PRLH: variants seen among roughly 807,000 people sequenced by gnomAD.
The protein encoded by PRLH is prolactin-releasing peptide.
In PRLH, 6 loss-of-function variants were observed where a neutral mutation model predicts 3.2. The observed-to-expected ratio is 1.86, with a 90% CI of 1.02 to 3.66. PRLH has a LOEUF of 3.66. PRLH is among the 30% of genes most tolerant of loss of function. PRLH has a pLI of 0.00. For missense variants in PRLH, 145 were observed against 122.6 expected (o/e 1.18, Z -0.86); for synonymous variants, 65 against 51.1 (o/e 1.27, Z -1.16).
In PRLH at chr2:237,567,036, AC is replaced by A; in HGVS notation, c.126del (p.Tyr42Ter). The A allele has an allele frequency of 6.2e-7, 1 of 1,614,020 alleles. No homozygotes were observed. The highest frequency in any genetic ancestry group is 8.5e-7 in the Non-Finnish European group (1 of 1,179,974). On this transcript the variant is annotated frameshift_variant, in exon 2 of 2. Coordinates refer to ENST00000165524, the MANE Select transcript of PRLH (RefSeq NM_015893.1). LOFTEE classifies it low-confidence loss of function (END_TRUNC). Reference protein sequence around the residue: ...IRTPDINPAWYASRGIRPVGR... With the variant: ...IRTPDINPAWXASRGIRPVGR... ...GCCCCTGACATCAATCCTGCCTGGT[AC>A]GCCAGTCGCGGGATCAGGCCTGTGG... is the stretch of plus-strand genomic sequence containing the variant.
At position 237,567,105 on chromosome 2, in the gene PRLH, A is replaced by G. The variant is rs1462993959; in HGVS notation, c.194A>G (p.Lys65Arg). Residue 65 changes from lysine to arginine, a missense_variant, in exon 2 of 2, where the codon AAG (lysine) becomes AGG (arginine). Lys to Arg is a conservative substitution (Grantham distance 26, BLOSUM62 2). Transcript: ENST00000165524. ...RRRATLGDVPKPGLRPRLTCF... is the reference protein window; with the variant it reads ...RRRATLGDVPRPGLRPRLTCF... ...AGGGCAACCCTGGGGGACGTCCCCA[A>G]GCCTGGCCTGCGACCCCGGCTGACC... 3 of 1,614,088 alleles carry G rather than the reference A, an allele frequency of 1.9e-6. No individual in the cohort carries two copies. Among genetic ancestry groups the G allele is most frequent in the East Asian group, 4.5e-5 (2 of 44,870 alleles).
In PRLH at chr2:237,567,159, C is replaced by T. The variant is rs1210528455; in HGVS notation, c.248C>T (p.Ser83Leu). ...TTCCCCCTGGAAGGCGGTGCTATGT[C>T]GTCCCAGGATGGCTGACAGCCAGCT... ...TCFPLEGGAM[S>L]SQDG Residue 83 changes from serine (S) to leucine (L), a missense_variant, in exon 2 of 2, where the codon TCG becomes TTG. Ser to Leu is a moderately radical substitution (Grantham distance 145). Transcript: ENST00000165524. 2.5e-6 allele frequency: 4 copies of T among 1,610,602 alleles called. No homozygotes were observed. The highest frequency in any genetic ancestry group is 2.2e-5 in the South Asian group (2 of 90,894).
chr2:237,567,080 A>T lies in PRLH; in HGVS notation c.169A>T (p.Arg57Trp). Residue 57 changes from arginine (R) to tryptophan (W), a missense_variant, in exon 2 of 2, where the codon AGG becomes TGG. Arg to Trp is a moderately radical substitution (Grantham distance 101, BLOSUM62 -3). Coordinates refer to ENST00000165524, the MANE Select transcript of PRLH (RefSeq NM_015893.1). ...IRPVGRFGRR[R>W]ATLGDVPKPG... ...GCCTGTGGGCCGCTTCGGTCGGAGGAGGGCAACCCTGGGGGACGTCCCCAA... is the reference window on the plus strand; with the variant it reads ...GCCTGTGGGCCGCTTCGGTCGGAGGTGGGCAACCCTGGGGGACGTCCCCAA... The T allele has an allele frequency of 1.2e-6, 2 of 1,614,016 alleles. No homozygotes were observed. Among genetic ancestry groups the T allele is most frequent in the East Asian group, 2.2e-5 (1 of 44,872 alleles).
In PRLH at chr2:237,567,102, C is replaced by T. The variant is rs1264318030; in HGVS notation, c.191C>T (p.Pro64Leu). 1 of 1,614,100 alleles carries T rather than the reference C, an allele frequency of 6.2e-7. No individual in the cohort carries two copies. The highest frequency in any genetic ancestry group is 8.5e-7 in the Non-Finnish European group (1 of 1,180,002). ...GRRRATLGDV[P>L]KPGLRPRLTC... ...AGGAGGGCAACCCTGGGGGACGTCC[C>T]CAAGCCTGGCCTGCGACCCCGGCTG... The change falls in exon 2 of 2, where the codon CCC (proline) becomes CTC (leucine). Residue 64 changes from proline (P) to leucine (L), a missense_variant. Transcript: ENST00000165524.
Position 237,566,631 on chromosome 2 carries a change from G to A in PRLH, c.58G>A (p.Gly20Arg), listed in dbSNP as rs1339262943. The A allele has an allele frequency of 6.3e-7, 1 of 1,576,258 alleles. No individual in the cohort carries two copies. Reference sequence around the variant, plus strand: ...GCTGATGCTGGGCCTGGCCCTGCGGGGAGCTGCAAGTCGTACCCATCGGCA... The same window carrying A: ...GCTGATGCTGGGCCTGGCCCTGCGGAGAGCTGCAAGTCGTACCCATCGGCA... ...CLLMLGLALR[G>R]AASRTHRHSM... The change falls in exon 1 of 2, where the codon GGA (glycine) becomes AGA (arginine). Residue 20 changes from glycine (G) to arginine (R), a missense_variant. Gly to Arg is a moderately radical substitution (Grantham distance 125, BLOSUM62 -2). Transcript: ENST00000165524.
rs770338709 is a variant in PRLH at position 237,566,628 on chromosome 2, C to A, written c.55C>A (p.Arg19=). 1.3e-6 allele frequency: 2 copies of A among 1,577,080 alleles called. No individual in the cohort carries two copies. The highest frequency in any genetic ancestry group is 1.7e-6 in the Non-Finnish European group (2 of 1,162,604). The part of the protein sequence containing the change: ...LCLLMLGLAL[R]GAASRTHRHS... Reference sequence around the variant, plus strand: ...CCTGCTGATGCTGGGCCTGGCCCTGCGGGGAGCTGCAAGTCGTACCCATCG... The same window carrying A: ...CCTGCTGATGCTGGGCCTGGCCCTGAGGGGAGCTGCAAGTCGTACCCATCG... Residue 19 remains arginine, a synonymous_variant, in exon 1 of 2, where the codon CGG becomes AGG. Coordinates refer to ENST00000165524, the MANE Select transcript of PRLH (RefSeq NM_015893.1).
In PRLH at chr2:237,567,031, C is replaced by G; in HGVS notation, c.120C>G (p.Ala40=). ...MEIRTPDINP[A]WYASRGIRPV... ...TTCCAGCCCCTGACATCAATCCTGCCTGGTACGCCAGTCGCGGGATCAGGC... is the reference window on the plus strand; with the variant it reads ...TTCCAGCCCCTGACATCAATCCTGCGTGGTACGCCAGTCGCGGGATCAGGC... Residue 40 remains alanine, a synonymous_variant, in exon 2 of 2, where the codon GCC becomes GCG. Coordinates refer to ENST00000165524, the MANE Select transcript of PRLH (RefSeq NM_015893.1). 6.2e-7 allele frequency: 1 copy of G among 1,614,114 alleles called. No homozygotes were observed. The highest frequency in any genetic ancestry group is 8.5e-7 in the Non-Finnish European group (1 of 1,179,992).
rs758740474 is a variant in PRLH, at chr2:237,567,098, G to A, written c.187G>A (p.Val63Ile). The change falls in exon 2 of 2, where the codon GTC (valine) becomes ATC (isoleucine). Residue 63 changes from valine (V) to isoleucine (I), a missense_variant. By Grantham distance (29) the Val-to-Ile change is conservative. Coordinates refer to ENST00000165524, the MANE Select transcript of PRLH (RefSeq NM_015893.1). ...FGRRRATLGDVPKPGLRPRLT... is the reference protein window; with the variant it reads ...FGRRRATLGDIPKPGLRPRLT... ...TCGGAGGAGGGCAACCCTGGGGGAC[G>A]TCCCCAAGCCTGGCCTGCGACCCCG... The A allele has an allele frequency of 1.9e-5, 30 of 1,614,000 alleles. No homozygotes were observed. The highest frequency in any genetic ancestry group is 4.5e-5 in the East Asian group (2 of 44,898).
intron 1 of PRLH, 146 bp downstream of exon 1, chr2:237,566,819 C>A: frequency 8.8e-7 from 1 of 1,136,356 alleles, no homozygotes; most frequent in South Asian, 1.5e-5. Flanking sequence ...TGAACTCCTG[C>A]TTCCCAAAGC....
At chr2:237,566,709 C>A (rs961519341) in intron 1 of PRLH, 36 bp downstream of exon 1, 5 of 1,526,932 alleles carry the variant, frequency 3.3e-6, no homozygotes, top group East Asian at 2.4e-5. Flanking sequence ...TCCCTTACCC[C>A]ACCCTGCCTC....
Position 237,566,666 on chromosome 2 carries a change from G to A in PRLH, c.93G>A (p.Glu31=), listed in dbSNP as rs1251269539. 6.4e-7 allele frequency: 1 copy of A among 1,556,178 alleles called. No individual in the cohort carries two copies. Among genetic ancestry groups the A allele is most frequent in the Admixed American group, 1.9e-5 (1 of 51,650 alleles). Residue 31 remains glutamate (E), a synonymous_variant, in exon 1 of 2, where the codon GAG becomes GAA. Coordinates refer to ENST00000165524, the MANE Select transcript of PRLH (RefSeq NM_015893.1). ...GTCGTACCCATCGGCACTCCATGGA[G>A]ATCCGCAGTGAGTGCCTGGACCCCT... ...AASRTHRHSM[E]IRTPDINPAW... is the part of the protein sequence containing the mutation.
rs879007872 is a variant in PRLH at position 237,566,740 on chromosome 2, C to T, written c.100+67C>T. The T allele has an allele frequency of 2.7e-6, 4 of 1,466,326 alleles. No individual in the cohort carries two copies. The South Asian group carries it at 3.7e-5, about 13-fold the overall frequency. 90.8% of individuals were successfully genotyped at this position (1,466,326 alleles called of 1,614,324 possible). A position where few individuals can be genotyped will look rare whatever the true frequency, so the allele number is the denominator to read the frequency against. ...GCCTCACCCCAGAACCTAGTGCAGC[C>T]TGGTCGCTCGAGAACCTGGCAGGAA... On this transcript the variant is annotated intron_variant, in intron 1 of 1. Coordinates refer to ENST00000165524, the MANE Select transcript of PRLH (RefSeq NM_015893.1).
chr2:237,566,854 G>T (rs927733264), intron 1 of PRLH, among the ~76,000 whole-genome samples, 158 bp from the exon 2 acceptor site: 10 of 152,240 alleles, frequency 6.6e-5, no homozygotes, highest in Non-Finnish European at 1.2e-4. Flanking sequence ...AAATGGCCTC[G>T]CCAGAACCTC....
At chr2:237,566,924 G>A in intron 1 of PRLH, 88 bp from the exon 2 acceptor site, 1 of 1,562,112 alleles carries the variant, frequency 6.4e-7, no homozygotes, top group Non-Finnish European at 8.7e-7. Context: ...GAGAGGCCCT[G>A]CCTGTGCACT....
chr2:237,567,097 C>A lies in PRLH; in HGVS notation c.186C>A (p.Asp62Glu). ...RFGRRRATLG[D>E]VPKPGLRPRL... ...GTCGGAGGAGGGCAACCCTGGGGGACGTCCCCAAGCCTGGCCTGCGACCCC... is the reference window on the plus strand; with the variant it reads ...GTCGGAGGAGGGCAACCCTGGGGGAAGTCCCCAAGCCTGGCCTGCGACCCC... The change falls in exon 2 of 2, where the codon GAC (aspartate) becomes GAA (glutamate). Residue 62 changes from aspartate (D) to glutamate (E), a missense_variant. Physicochemically the swap from Asp to Glu is conservative, Grantham distance 45. Transcript: ENST00000165524. The A allele has an allele frequency of 1.9e-6, 3 of 1,614,112 alleles. No homozygotes were observed. The highest frequency in any genetic ancestry group is 2.5e-6 in the Non-Finnish European group (3 of 1,180,010).
At chr2:237,566,883 G>T in intron 1 of PRLH, 129 bp from the exon 2 acceptor site, 1 of 1,383,098 alleles carries the variant, frequency 7.2e-7, no homozygotes, top group Non-Finnish European at 1.0e-6. Flanking sequence ...TGTTCCTCGG[G>T]TGGCTCCCAG....
At chr2:237,566,935 CT>C in intron 1 of PRLH, 76 bp from the exon 2 acceptor site, 1 of 1,583,228 alleles carries the variant, frequency 6.3e-7, no homozygotes, top group Admixed American at 1.7e-5. Flanking sequence ...CCTGTGCACT[CT>C]GCCCCGCTGC....
chr2:237,566,745 C>A, intron 1 of PRLH, 72 bp downstream of exon 1: 2 of 1,434,854 alleles, frequency 1.4e-6, no homozygotes, highest in South Asian at 2.5e-5. Context: ...GCAGCCTGGT[C>A]GCTCGAGAAC....
Position 237,567,081 on chromosome 2 carries a change from G to C in PRLH, c.170G>C (p.Arg57Thr), listed in dbSNP as rs774405650. The change falls in exon 2 of 2, where the codon AGG (arginine) becomes ACG (threonine). Residue 57 changes from arginine to threonine, a missense_variant. By Grantham distance (71) the Arg-to-Thr change is moderately conservative. Transcript: ENST00000165524. ...CCTGTGGGCCGCTTCGGTCGGAGGA[G>C]GGCAACCCTGGGGGACGTCCCCAAG... ...IRPVGRFGRR[R>T]ATLGDVPKPG... The C allele has an allele frequency of 6.2e-7, 1 of 1,614,116 alleles. No homozygotes were observed. The highest frequency in any genetic ancestry group is 2.2e-5 in the East Asian group (1 of 44,878).
Sources: allele counts gnomAD v4.1 joint callset (sites outside exome capture counted in the v4.1 genomes callset), GRCh38; gene constraint gnomAD v4.1.1; transcripts MANE v1.5; gene names NCBI Gene and HGNC (gene_info 2026-07-23, HGNC 2026-07-21).